SCP2: variants seen among roughly 807,000 people sequenced by gnomAD.
SCP2 encodes sterol carrier protein 2.
Under a neutral mutation model 71.4 loss-of-function variants are expected in SCP2, and 48 were observed. That is an observed-to-expected ratio of 0.67 (90% CI 0.53 to 0.86). The LOEUF (loss-of-function observed/expected upper bound fraction) is 0.86, where lower values mean the gene tolerates loss of function less well. Among genes scored for constraint, SCP2 ranks in the 40% least tolerant of loss-of-function variants. The pLI, the probability that SCP2 is intolerant of heterozygous loss-of-function variation, is 0.00. For synonymous variants in SCP2, 220 were observed against 218.1 expected (o/e 1.01, Z -0.08); for missense variants, 560 against 655.6 (o/e 0.85, Z 1.59).
intron 1 of SCP2, among the ~76,000 whole-genome samples, chr1:52,929,134 TCTGCAC>T (rs1330563414): frequency 2.0e-5 from 3 of 152,092 alleles, no homozygotes; most frequent in Non-Finnish European, 2.9e-5. Context: ...GGTCTGGTCT[TCTGCAC>T]CTTGGGACAG....
chr1:52,990,347 T>A (rs1213701229), intron 11 of SCP2, among the ~76,000 whole-genome samples: 2 of 152,056 alleles, frequency 1.3e-5, no homozygotes, highest in East Asian at 3.9e-4. Flanking sequence ...ATAGAGACTA[T>A]CCCTGAGGAA....
chr1:52,946,515 C>A (rs1191909983), intron 2 of SCP2, among the ~76,000 whole-genome samples: 1 of 152,042 alleles, frequency 6.6e-6, no homozygotes, highest in Non-Finnish European at 1.5e-5. Flanking sequence ...AGATTCTTGC[C>A]AAATTAATTT....
At chr1:52,999,807 G>A (rs549513652) in intron 11 of SCP2, among the ~76,000 whole-genome samples, 15 of 130,650 alleles carry the variant, frequency 1.1e-4, no homozygotes, top group African/African-American at 4.3e-4. Flanking sequence ...AACACTTACT[G>A]AACACTTGTT....
At chr1:53,023,489 CTT>C (rs1328163097) in intron 12 of SCP2, among the ~76,000 whole-genome samples, 1 of 152,178 alleles carries the variant, frequency 6.6e-6, no homozygotes, top group Non-Finnish European at 1.5e-5. Context: ...TTCAGGGTAA[CTT>C]CAGTTCCATT....
At chr1:52,943,901 C>G (rs12076197) in intron 2 of SCP2, 8,863 of 434,714 alleles carry the variant, frequency 0.02, 470 homozygotes, top group African/African-American at 0.13. Flanking sequence ...ACCAGTGGTT[C>G]ATTTCGGGCA....
At chr1:52,957,759 G>A (rs1216550599) in intron 5 of SCP2, among the ~76,000 whole-genome samples, 8 of 152,168 alleles carry the variant, frequency 5.3e-5, no homozygotes, top group Admixed American at 5.2e-4. Context: ...GGTCATCTAG[G>A]TTTTCTGTCA....
intron 10 of SCP2, among the ~76,000 whole-genome samples, chr1:52,984,751 G>A (rs1379652115): frequency 6.6e-6 from 1 of 151,598 alleles, no homozygotes; most frequent in Non-Finnish European, 1.5e-5. Context: ...TGGCCAGGCT[G>A]GTCTCGAACT....
intron 12 of SCP2, among the ~76,000 whole-genome samples, chr1:53,027,236 A>G (rs1242893592): frequency 3.3e-5 from 5 of 151,944 alleles, no homozygotes; most frequent in South Asian, 2.1e-4. Flanking sequence ...TGTGTTTTTT[A>G]TAGAGACGGG....
Position 52,981,359 on chromosome 1 carries a change from C to T in SCP2, c.973+816C>T, listed in dbSNP as rs191165274. Among the ~76,000 whole-genome samples the T allele has an allele frequency of 7.1e-4, 108 of 152,172 alleles. No individual in the cohort carries two copies. The highest frequency in any genetic ancestry group is 1.2e-3 in the Non-Finnish European group (82 of 68,010). On this transcript the variant is annotated intron_variant, in intron 10 of 15. Transcript: ENST00000371514. ...TTGAAATGTAGCTAGTCCAAATTGA[C>T]GTGTGCTGTAAGTGTGAAGTACACA... is the stretch of plus-strand genomic sequence containing the variant.
chr1:52,960,429 C>A (rs1232176331), intron 5 of SCP2, among the ~76,000 whole-genome samples: 1 of 150,738 alleles, frequency 6.6e-6, no homozygotes, highest in East Asian at 1.9e-4. Flanking sequence ...CCTGGGCCTG[C>A]CAAAGTGTTG....
intron 11 of SCP2, chr1:52,995,262 C>T (rs1659846318): frequency 2.0e-6 from 1 of 490,432 alleles, no homozygotes; most frequent in Non-Finnish European, 4.1e-6. Flanking sequence ...TCGAGCCCTA[C>T]AACATCACCC....
At chr1:52,981,211 C>T (rs150345043) in intron 10 of SCP2, among the ~76,000 whole-genome samples, 87 of 152,306 alleles carry the variant, frequency 5.7e-4, no homozygotes, top group African/African-American at 8.9e-4. Context: ...GAATTATAGG[C>T]GTGAGCCACT....
chr1:53,038,667 A>C (rs1663195825), intron 13 of SCP2, among the ~76,000 whole-genome samples: 1 of 152,102 alleles, frequency 6.6e-6, no homozygotes, highest in African/African-American at 2.4e-5. Context: ...TGCCTCCCAA[A>C]GTGCTGAGAT....
chr1:52,961,665 T>G (rs772052905), intron 6 of SCP2, 36 bp downstream of exon 6: 2 of 1,564,806 alleles, frequency 1.3e-6, no homozygotes, highest in Non-Finnish European at 1.8e-6. Context: ...GGCTTCTTAC[T>G]AGTTATATAC....
intron 1 of SCP2, among the ~76,000 whole-genome samples, chr1:52,937,201 G>T (rs903411087): frequency 6.6e-6 from 1 of 152,134 alleles, no homozygotes; most frequent in Admixed American, 6.6e-5. Flanking sequence ...AGAAATAGTA[G>T]TATAAGAAGG....
intron 2 of SCP2, among the ~76,000 whole-genome samples, chr1:52,944,249 T>C (rs1281117302): frequency 3.3e-5 from 5 of 152,224 alleles, no homozygotes; most frequent in Non-Finnish European, 4.4e-5. Flanking sequence ...CCTTAGATGT[T>C]CCTGCTTATT....
chr1:52,932,913 A>G (rs1421556216), intron 1 of SCP2, among the ~76,000 whole-genome samples: 1 of 152,226 alleles, frequency 6.6e-6, no homozygotes, highest in African/African-American at 2.4e-5. Context: ...GATGTAATAC[A>G]GAAGGGAGTA....
chr1:52,974,962 A>G, intron 7 of SCP2, 130 bp downstream of exon 7: 1 of 668,064 alleles, frequency 1.5e-6, no homozygotes, highest in Non-Finnish European at 2.7e-6. Context: ...TTTTTCTTAC[A>G]AAAGGCTTAT....
chr1:52,961,712 G>T, intron 6 of SCP2, 83 bp downstream of exon 6: 2 of 1,223,848 alleles, frequency 1.6e-6, no homozygotes, highest in East Asian at 2.4e-5. Context: ...TTAAGGAACT[G>T]TGGAGGATGC....
Sources: gnomAD v4.1 joint callset for allele counts (sites outside exome capture counted in the v4.1 genomes callset) on GRCh38, gnomAD v4.1.1 for gene constraint, MANE v1.5 for transcripts, NCBI Gene and HGNC (gene_info 2026-07-23, HGNC 2026-07-21) for gene names.